The following CADM2 variants were observed in gnomAD, a reference collection of about 807,000 sequenced individuals.
The protein encoded by CADM2 is cell adhesion molecule 2.
CADM2 carries 12 observed loss-of-function variants against 49.8 expected under a neutral mutation model. That is an observed-to-expected ratio of 0.24 (90% CI 0.15 to 0.39). The LOEUF (loss-of-function observed/expected upper bound fraction) is 0.39, where lower values mean the gene tolerates loss of function less well. Among genes scored for constraint, CADM2 ranks in the 10% least tolerant of loss-of-function variants. The probability of loss-of-function intolerance (pLI) is 1.00; values close to 1 mark genes in which losing one functional copy is unlikely to be tolerated. For synonymous variants in CADM2, 214 were observed against 175.4 expected (o/e 1.22, Z -1.74); for missense variants, 378 against 492.3 (o/e 0.77, Z 2.20).
At chr3:84,995,437 T>C (rs759801558) in intron 1 of CADM2, among the ~76,000 whole-genome samples, 2 of 152,220 alleles carry the variant, frequency 1.3e-5, no homozygotes, top group Non-Finnish European at 2.9e-5. Context: ...TTTTCCCTAA[T>C]GAAGATTTGC....
intron 1 of CADM2, among the ~76,000 whole-genome samples, chr3:85,089,354 A>C (rs1175719282): frequency 6.6e-6 from 1 of 152,098 alleles, no homozygotes; most frequent in Admixed American, 6.6e-5. Context: ...TCTCTCTTGA[A>C]TATTTTGCAA....
chr3:85,705,915 C>T (rs1381977332), intron 1 of CADM2, among the ~76,000 whole-genome samples: 5 of 152,168 alleles, frequency 3.3e-5, no homozygotes. Flanking sequence ...CCTTCTCACT[C>T]ATATAACTTG....
intron 1 of CADM2, among the ~76,000 whole-genome samples, chr3:85,043,631 A>G (rs2035532140): frequency 6.6e-6 from 1 of 152,088 alleles, no homozygotes; most frequent in Non-Finnish European, 1.5e-5. Flanking sequence ...GTGAACTGTG[A>G]TTGCCCTACT....
intron 1 of CADM2, among the ~76,000 whole-genome samples, chr3:85,583,711 G>C (rs1290282512): frequency 1.3e-5 from 2 of 151,964 alleles, no homozygotes; most frequent in Non-Finnish European, 2.9e-5. Flanking sequence ...TTTAAAAAGG[G>C]TAATAGATTT....
chr3:85,701,932 AAAAG>A (rs544959339), intron 1 of CADM2, among the ~76,000 whole-genome samples: 53 of 152,046 alleles, frequency 3.5e-4, no homozygotes, highest in African/African-American at 1.1e-3. Flanking sequence ...GGAAGAAAGA[AAAAG>A]AAAGAAGAAA....
At chr3:85,212,880 T>TCTC (rs1559723868) in intron 1 of CADM2, among the ~76,000 whole-genome samples, 1 of 89,056 alleles carries the variant, frequency 1.1e-5, no homozygotes. Flanking sequence ...CTTTCTTTCT[T>TCTC]TCTTTCTCTT....
intron 6 of CADM2, among the ~76,000 whole-genome samples, chr3:85,926,772 C>T (rs934086990): frequency 1.3e-5 from 2 of 151,808 alleles, no homozygotes; most frequent in African/African-American, 4.8e-5. Context: ...ATGAGGAAAA[C>T]GATGTGAGAG....
chr3:85,548,463 A>G (rs1195235196), intron 1 of CADM2, among the ~76,000 whole-genome samples: 4 of 152,080 alleles, frequency 2.6e-5, no homozygotes, highest in Non-Finnish European at 4.4e-5. Flanking sequence ...TAAGAGCTCG[A>G]CAGTCTAATT....
intron 2 of CADM2, among the ~76,000 whole-genome samples, chr3:85,751,185 A>G (rs1256531334): frequency 6.6e-6 from 1 of 152,082 alleles, no homozygotes; most frequent in East Asian, 1.9e-4. Flanking sequence ...GATAGAAAAG[A>G]ACCTAAGATA....
chr3:85,605,173 G>T (rs1386361218), intron 1 of CADM2, among the ~76,000 whole-genome samples: 1 of 151,904 alleles, frequency 6.6e-6, no homozygotes, highest in Non-Finnish European at 1.5e-5. Context: ...AGAACGCAAG[G>T]GTGAAATTAA....
chr3:85,861,668 T>G (rs928162293), intron 3 of CADM2, among the ~76,000 whole-genome samples: 1 of 152,148 alleles, frequency 6.6e-6, no homozygotes, highest in African/African-American at 2.4e-5. Context: ...AGTGGATATT[T>G]GTTGATGGTG....
chr3:85,640,660 T>C (rs919557291), intron 1 of CADM2, among the ~76,000 whole-genome samples: 1 of 152,072 alleles, frequency 6.6e-6, no homozygotes, highest in African/African-American at 2.4e-5. Flanking sequence ...CCAGACAACA[T>C]TATACAGAAA....
intron 1 of CADM2, among the ~76,000 whole-genome samples, chr3:85,345,502 C>G (rs1386870496): frequency 6.6e-6 from 1 of 152,042 alleles, no homozygotes; most frequent in Non-Finnish European, 1.5e-5. Context: ...AAAATGACTT[C>G]TATTGTATTC....
At chr3:85,961,386 A>G (rs1724801389) in intron 7 of CADM2, 83 bp from the exon 8 acceptor site, 1 of 1,176,292 alleles carries the variant, frequency 8.5e-7, no homozygotes, top group East Asian at 2.5e-5. Flanking sequence ...TACATGTTAA[A>G]TATTAAAAAA....
chr3:85,035,169 T>C (rs1576082991), intron 1 of CADM2, among the ~76,000 whole-genome samples: 1 of 152,180 alleles, frequency 6.6e-6, no homozygotes, highest in Non-Finnish European at 1.5e-5. Flanking sequence ...TTTCTAATGA[T>C]AGTGATTTTG....
At chr3:85,564,917 A>T (rs1194528400) in intron 1 of CADM2, among the ~76,000 whole-genome samples, 1 of 152,100 alleles carries the variant, frequency 6.6e-6, no homozygotes, top group Non-Finnish European at 1.5e-5. Context: ...GAGATGGAAG[A>T]TTATAAAAAC....
intron 8 of CADM2, among the ~76,000 whole-genome samples, chr3:85,991,308 C>A (rs1272838335): frequency 2.6e-5 from 4 of 152,024 alleles, no homozygotes; most frequent in South Asian, 2.1e-4. Context: ...AATATTTATT[C>A]TTTTATTCTG....
At chr3:85,746,857 A>C (rs370696795) in intron 2 of CADM2, among the ~76,000 whole-genome samples, 1 of 152,106 alleles carries the variant, frequency 6.6e-6, no homozygotes. Context: ...CACCTCCATC[A>C]TGTCTTTTCA....
chr3:84,962,973 A>C (rs2030679110), intron 1 of CADM2, among the ~76,000 whole-genome samples: 1 of 152,136 alleles, frequency 6.6e-6, no homozygotes, highest in Admixed American at 6.5e-5. Context: ...TCAATGATAA[A>C]ATGAGTTTTT....
Sources: allele counts gnomAD v4.1 joint callset (sites outside exome capture counted in the v4.1 genomes callset), GRCh38; gene constraint gnomAD v4.1.1; transcripts MANE v1.5; gene names NCBI Gene and HGNC (gene_info 2026-07-23, HGNC 2026-07-21).